The following RGS9 variants were observed in gnomAD, a reference collection of about 807,000 sequenced individuals.
The protein encoded by RGS9 is regulator of G protein signaling 9.
A neutral mutation model predicts 102.0 loss-of-function variants in RGS9; 78 were observed. That is an observed-to-expected ratio of 0.76 (90% CI 0.64 to 0.92). The LOEUF is 0.92. Among genes scored for constraint, RGS9 ranks in the 40% least tolerant of loss-of-function variants. The pLI is 0.00. For synonymous variants in RGS9, 353 were observed against 318.6 expected (o/e 1.11, Z -1.15); for missense variants, 833 against 866.1 (o/e 0.96, Z 0.48).
intron 11 of RGS9, among the ~76,000 whole-genome samples, chr17:65,192,613 C>CAA (rs67234329): frequency 7.1e-5 from 9 of 127,126 alleles, no homozygotes; most frequent in Non-Finnish European, 1.4e-4. Flanking sequence ...GACAATGTCT[C>CAA]AAAAAAAAAA....
chr17:65,165,938 G>C (rs1369076548), intron 7 of RGS9, among the ~76,000 whole-genome samples: 1 of 152,150 alleles, frequency 6.6e-6, no homozygotes, highest in Non-Finnish European at 1.5e-5. Flanking sequence ...ATTTGGGAAG[G>C]TCTTGGCCTA....
chr17:65,168,180 C>A lies in RGS9; in HGVS notation c.501-20C>A. On this transcript the variant is annotated intron_variant, in intron 7 of 18. Transcript: ENST00000262406. ...GACACAAAGTCTTCCTGGCCTTACA[C>A]GTGGCTTTTGGCTTTCCAGGGCTGG... The A allele has an allele frequency of 1.3e-6, 2 of 1,581,276 alleles. No individual in the cohort carries two copies. The highest frequency in any genetic ancestry group is 1.7e-6 in the Non-Finnish European group (2 of 1,155,618).
chr17:65,160,320 G>A lies in RGS9; in HGVS notation c.293G>A (p.Gly98Asp). The change falls in exon 4 of 19, where the codon GGC becomes GAC. Residue 98 changes from glycine to aspartate, a missense_variant. Physicochemically the swap from Gly to Asp is moderately conservative, Grantham distance 94 (BLOSUM62 -1). Transcript: ENST00000262406. ...DPKNLILKPD[G>D]SLYRFQTPYF... ...AAGAATCTCATTCTCAAGCCTGATG[G>A]CAGCCTCTACAGATTTCAGGTGAGT... 6.2e-7 allele frequency: 1 copy of A among 1,613,802 alleles called. No homozygotes were observed. The highest frequency in any genetic ancestry group is 8.5e-7 in the Non-Finnish European group (1 of 1,179,692).
At chr17:65,191,343 A>G (rs1178628673) in intron 11 of RGS9, among the ~76,000 whole-genome samples, 1 of 151,486 alleles carries the variant, frequency 6.6e-6, no homozygotes, top group Admixed American at 6.6e-5. Flanking sequence ...TTTTGACATC[A>G]TTAGTGTTTT....
chr17:65,212,322 TAAC>T (rs139974253), intron 17 of RGS9, among the ~76,000 whole-genome samples: 4,270 of 152,272 alleles, frequency 0.028, 205 homozygotes, highest in African/African-American at 0.096. Context: ...TTGTTGTAAT[TAAC>T]AACACAAATG....
rs778287316 is a variant in RGS9 at position 65,202,017 on chromosome 17, C to A, written c.1001C>A (p.Ala334Asp). 2.5e-5 allele frequency: 41 copies of A among 1,613,410 alleles called. No homozygotes were observed. The highest frequency in any genetic ancestry group is 4.0e-5 in the African/African-American group (3 of 74,854). ...GGAGAGAATCTGGGATTCTGGGAAGCCTGCGAGGATCTGAAGTATGGAGAT... is the reference window on the plus strand; with the variant it reads ...GGAGAGAATCTGGGATTCTGGGAAGACTGCGAGGATCTGAAGTATGGAGAT... ...FSGENLGFWE[A>D]CEDLKYGDQS... Residue 334 changes from alanine to aspartate, a missense_variant, in exon 14 of 19, where the codon GCC (alanine) becomes GAC (aspartate). By Grantham distance (126) the Ala-to-Asp change is moderately radical. Around this residue, in one of 3 missense-constraint regions of RGS9, gnomAD observed 185 missense variants for 248.7 expected, o/e 0.74. Coordinates refer to ENST00000262406, the MANE Select transcript of RGS9 (RefSeq NM_003835.4).
chr17:65,213,944 A>T (rs531529273), intron 17 of RGS9, among the ~76,000 whole-genome samples: 1 of 152,196 alleles, frequency 6.6e-6, no homozygotes, highest in Admixed American at 6.5e-5. Context: ...TGCTTCATAG[A>T]TGTATTTTAT....
In RGS9 at chr17:65,163,050, A is replaced by G. The variant is rs780839599; in HGVS notation, c.461A>G (p.Lys154Arg). ...YNFLNQKMNY[K>R]WDFVIMQAKE... ...TTCTTGAACCAAAAAATGAACTATA[A>G]GTGGGACTTTGTCATTATGCAGGCC... is the stretch of plus-strand genomic sequence containing the variant. The change falls in exon 7 of 19, where the codon AAG (lysine) becomes AGG (arginine). Residue 154 changes from lysine to arginine, a missense_variant. Lys to Arg is a conservative substitution (Grantham distance 26, BLOSUM62 2). Around this residue, in one of 3 missense-constraint regions of RGS9, gnomAD observed 328 missense variants for 340.6 expected, o/e 0.96. Transcript: ENST00000262406. 5.0e-6 allele frequency: 8 copies of G among 1,602,870 alleles called. No individual in the cohort carries two copies. The highest frequency in any genetic ancestry group is 2.2e-5 in the East Asian group (1 of 44,656).
At chr17:65,137,771 T>G (rs1834960507) in intron 1 of RGS9, among the ~76,000 whole-genome samples, 174 bp downstream of exon 1, 1 of 152,202 alleles carries the variant, frequency 6.6e-6, no homozygotes. Context: ...CTATAATAAT[T>G]AGGTTTTCGT....
At chr17:65,226,886 A>T (rs1292147480) in intron 18 of RGS9, among the ~76,000 whole-genome samples, 4 of 152,140 alleles carry the variant, frequency 2.6e-5, no homozygotes, top group African/African-American at 9.7e-5. Flanking sequence ...AAGTGCTAAG[A>T]TTACAGGCAT....
intron 2 of RGS9, among the ~76,000 whole-genome samples, chr17:65,155,476 G>T (rs1433775962): frequency 6.6e-6 from 1 of 152,152 alleles, no homozygotes; most frequent in Non-Finnish European, 1.5e-5. Context: ...AATCCTTCAG[G>T]TGTCTTTTCT....
At chr17:65,158,504 CA>C in intron 3 of RGS9, 159 bp downstream of exon 3, 2 of 759,938 alleles carry the variant, frequency 2.6e-6, no homozygotes, top group Non-Finnish European at 4.7e-6. Context: ...AAAGCAAAGG[CA>C]GGATAATTTG....
In RGS9 at chr17:65,157,049, G is replaced by A. The variant is rs542108202; in HGVS notation, c.155-1246G>A. The stretch of plus-strand genomic sequence containing the variant: ...AGGCAGGCAATTACGCCCAGAGAGC[G>A]TGTATATGGGTCATAAGAAGAAATG... On this transcript the variant is annotated intron_variant, in intron 2 of 18. Transcript: ENST00000262406. Among the ~76,000 whole-genome samples the A allele has an allele frequency of 6.6e-5, 10 of 152,274 alleles. No individual in the cohort carries two copies. The East Asian group carries it at 1.7e-3, about 27-fold the overall frequency.
At chr17:65,227,220 T>A (rs1184096140) in intron 18 of RGS9, 55 bp from the exon 19 acceptor site, 1 of 1,611,418 alleles carries the variant, frequency 6.2e-7, no homozygotes, top group African/African-American at 1.3e-5. Context: ...TTTGGGGAGG[T>A]GCAGTCCCTC....
At chr17:65,224,295 G>T (rs141344214) in intron 17 of RGS9, among the ~76,000 whole-genome samples, 2 of 152,222 alleles carry the variant, frequency 1.3e-5, no homozygotes, top group African/African-American at 4.8e-5. Context: ...GCCCAGGAAG[G>T]TTGAGATACT....
At chr17:65,207,147 G>A (rs901537153) in intron 15 of RGS9, among the ~76,000 whole-genome samples, 9 of 152,124 alleles carry the variant, frequency 5.9e-5, no homozygotes, top group Non-Finnish European at 1.2e-4. Context: ...TTTTGCTTTG[G>A]TATTCTCTTG....
intron 1 of RGS9, among the ~76,000 whole-genome samples, chr17:65,141,766 T>C (rs1326681427): frequency 6.6e-6 from 1 of 152,126 alleles, no homozygotes; most frequent in Non-Finnish European, 1.5e-5. Flanking sequence ...ACAAGGGGGC[T>C]TGCAATGGAG....
At chr17:65,149,330 T>C (rs1910493509) in intron 1 of RGS9, among the ~76,000 whole-genome samples, 1 of 152,162 alleles carries the variant, frequency 6.6e-6, no homozygotes, top group Non-Finnish European at 1.5e-5. Flanking sequence ...AATTTAGCAA[T>C]TTACCAAAAG....
chr17:65,158,850 G>C, intron 3 of RGS9: 1 of 259,532 alleles, frequency 3.9e-6, no homozygotes, highest in Non-Finnish European at 7.5e-6. Context: ...CAATTTTTGA[G>C]CATGGCAATG....
Sources: gnomAD v4.1 joint callset for allele counts (sites outside exome capture counted in the v4.1 genomes callset) on GRCh38, gnomAD v4.1.1 for gene constraint, gnomAD v4.1.1 regional missense constraint, MANE v1.5 for transcripts, NCBI Gene and HGNC (gene_info 2026-07-23, HGNC 2026-07-21) for gene names.